Variants in ZNF511 observed in about 807,000 individuals in gnomAD.
ZNF511 encodes zinc finger protein 511.
A neutral mutation model predicts 24.8 loss-of-function variants in ZNF511; 26 were observed. The ratio of observed to expected loss-of-function variants is 1.05; its 90% CI spans 0.77 to 1.46. The LOEUF (loss-of-function observed/expected upper bound fraction) is 1.46, where lower values mean the gene tolerates loss of function less well. Among genes scored for constraint, ZNF511 ranks in the 40% most tolerant of loss-of-function variants. The probability of loss-of-function intolerance (pLI) is 0.00; values close to 1 mark genes in which losing one functional copy is unlikely to be tolerated. For missense variants in ZNF511, 358 were observed against 345.0 expected, an observed-to-expected ratio of 1.04 and a Z score of -0.30; for synonymous variants, 144 against 139.6, an observed-to-expected ratio of 1.03 and a Z score of -0.22.
chr10:133,309,696 C>A, intron 2 of ZNF511, 80 bp from the exon 3 acceptor site: 1 of 1,540,432 alleles, frequency 6.5e-7, no homozygotes, highest in Non-Finnish European at 8.9e-7. Flanking sequence ...TATTGGACGT[C>A]TCAAAGGGAA....
intron 2 of ZNF511, 62 bp from the exon 3 acceptor site, chr10:133,309,714 A>C (rs1231119027): frequency 3.2e-6 from 5 of 1,586,020 alleles, no homozygotes; most frequent in Admixed American, 3.3e-5. Flanking sequence ...GAAACTGTGC[A>C]GAAAGTCCAG....
At chr10:133,311,301 G>C (rs1263094696) in intron 4 of ZNF511, among the ~76,000 whole-genome samples, 1 of 152,128 alleles carries the variant, frequency 6.6e-6, no homozygotes, top group Non-Finnish European at 1.5e-5. Context: ...TAAAGTAATT[G>C]TCTCCTTTCC....
chr10:133,312,935 G>C lies in ZNF511; in HGVS notation c.*69G>C, dbSNP rs927989788. 3.7e-6 allele frequency: 6 copies of C among 1,608,526 alleles called. No homozygotes were observed. The highest frequency in any genetic ancestry group is 1.7e-5 in the Admixed American group (1 of 59,798). On this transcript the variant is annotated 3_prime_UTR_variant, in exon 6 of 6. Transcript: ENST00000361518. Reference sequence around the variant, plus strand: ...TGGCATCCGCCTTGGGCCTTTCTCCGACCTTCTGGTGTGGCCGCCCTGGGG... The same window carrying C: ...TGGCATCCGCCTTGGGCCTTTCTCCCACCTTCTGGTGTGGCCGCCCTGGGG...
rs1222106658 is a variant in ZNF511 at position 133,311,852 on chromosome 10, G to A, written c.680+11G>A. 3.7e-6 allele frequency: 6 copies of A among 1,613,230 alleles called. No individual in the cohort carries two copies. The highest frequency in any genetic ancestry group is 1.1e-5 in the South Asian group (1 of 91,094). On this transcript the variant is annotated intron_variant, in intron 5 of 5. Transcript: ENST00000361518. Reference sequence around the variant, plus strand: ...GATCTACAGACATAGGTCAGTGTCTGAGCTCTTTCTGAAACCCGTTCTCAA... The same window carrying A: ...GATCTACAGACATAGGTCAGTGTCTAAGCTCTTTCTGAAACCCGTTCTCAA...
chr10:133,312,978 C>G lies in ZNF511; in HGVS notation c.*112C>G. 1 of 1,562,628 alleles carries G rather than the reference C, an allele frequency of 6.4e-7. No homozygotes were observed. The highest frequency in any genetic ancestry group is 2.3e-5 in the East Asian group (1 of 44,298). On this transcript the variant is annotated 3_prime_UTR_variant, in exon 6 of 6. Transcript: ENST00000361518. ...CCCTGGGGGCCAGGCCCTCGCCATCCTCCCCATCCTTGTTCCTCAGCAAAT... is the reference window on the plus strand; with the variant it reads ...CCCTGGGGGCCAGGCCCTCGCCATCGTCCCCATCCTTGTTCCTCAGCAAAT...
At chr10:133,309,698 C>CA (rs1220918317) in intron 2 of ZNF511, 78 bp from the exon 3 acceptor site, 3 of 1,550,044 alleles carry the variant, frequency 1.9e-6, no homozygotes, top group Non-Finnish European at 2.7e-6. Context: ...TTGGACGTCT[C>CA]AAAGGGAAAC....
rs1205316551 is a variant in ZNF511, at chr10:133,308,949, G to T, written c.6G>T (p.Gln2His). The change falls in exon 1 of 6, where the codon CAG becomes CAT. Residue 2 changes from glutamine (Q) to histidine (H), a missense_variant. Coordinates refer to ENST00000361518, the MANE Select transcript of ZNF511 (RefSeq NM_145806.4). M[Q>H]LPPALCARLA... ...GCCCGCCCGCGCCCGGGGTGATGCA[G>T]TTGCCCCCCGCGCTGTGCGCCCGCC... 1.1e-5 allele frequency: 14 copies of T among 1,232,930 alleles called. No homozygotes were observed. The highest frequency in any genetic ancestry group is 1.4e-5 in the Non-Finnish European group (14 of 981,722). 76.4% of individuals were successfully genotyped at this position (1,232,930 alleles called of 1,614,324 possible).
In ZNF511 at chr10:133,309,064, G is replaced by C; in HGVS notation, c.121G>C (p.Val41Leu). ...GCCCTTTCGCTTCGTTGCGCGCCCC[G>C]TGCGCTTCCCGCGGGAGCACCAGTT... ...AAPFRFVARP[V>L]RFPREHQFFE... Residue 41 changes from valine (V) to leucine (L), a missense_variant, in exon 1 of 6, where the codon GTG (valine) becomes CTG (leucine). Val to Leu is a conservative substitution (Grantham distance 32). Coordinates refer to ENST00000361518, the MANE Select transcript of ZNF511 (RefSeq NM_145806.4). The C allele has an allele frequency of 1.5e-6, 2 of 1,291,978 alleles. No homozygotes were observed. The highest frequency in any genetic ancestry group is 9.9e-7 in the Non-Finnish European group (1 of 1,014,870). 80.0% of individuals were successfully genotyped at this position (1,291,978 alleles called of 1,614,324 possible). A position where few individuals can be genotyped will look rare whatever the true frequency, so the allele number is the denominator to read the frequency against.
chr10:133,309,712 G>T, intron 2 of ZNF511, 64 bp from the exon 3 acceptor site: 2 of 1,579,894 alleles, frequency 1.3e-6, no homozygotes, highest in South Asian at 1.1e-5. Flanking sequence ...GGGAAACTGT[G>T]CAGAAAGTCC....
At chr10:133,312,692 G>A in intron 5 of ZNF511, 96 bp from the exon 6 acceptor site, 1 of 1,597,266 alleles carries the variant, frequency 6.3e-7, no homozygotes, top group South Asian at 1.1e-5. Context: ...TGTTCCCAGA[G>A]TGAAAGAGAA....
Position 133,309,097 on chromosome 10 carries a change from G to A in ZNF511, c.153+1G>A. 1 of 1,319,702 alleles carries A rather than the reference G, an allele frequency of 7.6e-7. No individual in the cohort carries two copies. The highest frequency in any genetic ancestry group is 9.7e-7 in the Non-Finnish European group (1 of 1,029,736). 81.7% of individuals were successfully genotyped at this position (1,319,702 alleles called of 1,614,324 possible). On this transcript the variant is annotated splice_donor_variant, in intron 1 of 5. Coordinates refer to ENST00000361518, the MANE Select transcript of ZNF511 (RefSeq NM_145806.4). LOFTEE classifies it high-confidence loss of function. ...CCCGCGGGAGCACCAGTTCTTCGAGGTGCGTGAGCAAAAGAGGGAAAAAGT... is the reference window on the plus strand; with the variant it reads ...CCCGCGGGAGCACCAGTTCTTCGAGATGCGTGAGCAAAAGAGGGAAAAAGT...
chr10:133,310,719 GT>G (rs1043656226), intron 4 of ZNF511, among the ~76,000 whole-genome samples: 2 of 152,212 alleles, frequency 1.3e-5, no homozygotes, highest in Non-Finnish European at 2.9e-5. Flanking sequence ...GTCCTGGTTG[GT>G]TGTGCGCATA....
chr10:133,312,308 C>T lies in ZNF511; in HGVS notation c.680+467C>T, dbSNP rs117978699. 555 of 1,201,104 alleles carry T rather than the reference C, an allele frequency of 4.6e-4. 3 individuals carry two copies. In the East Asian group the frequency reaches 0.017, roughly 37 times the overall value. 74.4% of individuals were successfully genotyped at this position (1,201,104 alleles called of 1,614,324 possible). ...TCTGCCTTTCTAGCGTCACCTGTGC[C>T]GTCTGCCTTTCTAGTTAAAGTTGAT... On this transcript the variant is annotated intron_variant, in intron 5 of 5. Coordinates refer to ENST00000361518, the MANE Select transcript of ZNF511 (RefSeq NM_145806.4).
intron 5 of ZNF511, chr10:133,312,215 C>T (rs1018020429): frequency 6.5e-6 from 9 of 1,391,432 alleles, no homozygotes; most frequent in South Asian, 4.7e-5. Flanking sequence ...GCGTTTCTAG[C>T]GTCACCTGTG....
In ZNF511 at chr10:133,309,470, G is replaced by A; in HGVS notation, c.227+7G>A. Reference sequence around the variant, plus strand: ...ACGTGCCTGAGAAGCCCAGGTAAGCGAATGGGCAGTGCCTAGCCAGTGCTA... The same window carrying A: ...ACGTGCCTGAGAAGCCCAGGTAAGCAAATGGGCAGTGCCTAGCCAGTGCTA... On this transcript the variant is annotated splice_region_variant and intron_variant, in intron 2 of 5. Coordinates refer to ENST00000361518, the MANE Select transcript of ZNF511 (RefSeq NM_145806.4). The A allele has an allele frequency of 6.2e-7, 1 of 1,611,322 alleles. No individual in the cohort carries two copies. Among genetic ancestry groups the A allele is most frequent in the Non-Finnish European group, 8.5e-7 (1 of 1,179,224 alleles).
chr10:133,311,554 C>T, intron 4 of ZNF511, 162 bp from the exon 5 acceptor site: 1 of 610,758 alleles, frequency 1.6e-6, no homozygotes, highest in South Asian at 2.1e-5. Context: ...TTCTCCTTTT[C>T]CCAGTATCTT....
rs1847914575 is a variant in ZNF511 at position 133,309,033 on chromosome 10, G to A, written c.90G>A (p.Gly30=). 7.9e-7 allele frequency: 1 copy of A among 1,269,460 alleles called. No homozygotes were observed. Among genetic ancestry groups the A allele is most frequent in the Non-Finnish European group, 1.0e-6 (1 of 1,001,740 alleles). 78.6% of individuals were successfully genotyped at this position (1,269,460 alleles called of 1,614,324 possible). Residue 30 remains glycine (G), a synonymous_variant, in exon 1 of 6, where the codon GGG becomes GGA. Transcript: ENST00000361518. ...CTGTAGAGCGGGATCCCGCGGCTGG[G>A]GCCGCGCCCTTTCGCTTCGTTGCGC... ...PLPVERDPAA[G]AAPFRFVARP...
intron 2 of ZNF511, among the ~76,000 whole-genome samples, 153 bp downstream of exon 2, chr10:133,309,616 C>A (rs1294892372): frequency 1.3e-5 from 2 of 152,236 alleles, no homozygotes; most frequent in Non-Finnish European, 2.9e-5. Context: ...ACTCTTCCAC[C>A]ACCTAGCCTG....
Position 133,312,918 on chromosome 10 carries a change from G to GC in ZNF511, c.*54dup. On this transcript the variant is annotated 3_prime_UTR_variant, in exon 6 of 6. Transcript: ENST00000361518. ...GTCACCACTGCTGGGCGTGGCATCC[G>GC]CCTTGGGCCTTTCTCCGACCTTCTG... 6.2e-7 allele frequency: 1 copy of GC among 1,611,824 alleles called. No individual in the cohort carries two copies. The highest frequency in any genetic ancestry group is 2.2e-5 in the East Asian group (1 of 44,832).
Sources: allele counts gnomAD v4.1 joint callset (sites outside exome capture counted in the v4.1 genomes callset), GRCh38; gene constraint gnomAD v4.1.1; transcripts MANE v1.5; gene names NCBI Gene and HGNC (gene_info 2026-07-23, HGNC 2026-07-21).